The following GALNT13 variants were observed in gnomAD, a reference collection of about 807,000 sequenced individuals.
The protein encoded by GALNT13 is UDP-GalNAc:polypeptide N-acetylgalactosaminyltransferase 13.
A neutral mutation model predicts 64.2 loss-of-function variants in GALNT13; 28 were observed. The observed-to-expected ratio is 0.44, with a 90% CI of 0.32 to 0.60. The LOEUF (loss-of-function observed/expected upper bound fraction) is 0.60, where lower values mean the gene tolerates loss of function less well. GALNT13 is among the 20% of genes least tolerant of loss of function. The pLI is 0.05. For synonymous variants in GALNT13, 214 were observed against 224.6 expected, an observed-to-expected ratio of 0.95 and a Z score of 0.42; for missense variants, 577 against 669.8, an observed-to-expected ratio of 0.86 and a Z score of 1.53.
chr2:154,203,533 A>G (rs1295049936), intron 4 of GALNT13, among the ~76,000 whole-genome samples: 1 of 152,102 alleles, frequency 6.6e-6, no homozygotes, highest in Non-Finnish European at 1.5e-5. Context: ...CCTCCTAGTC[A>G]TGTAATTCCT....
chr2:153,574,656 T>A, the GALNT13 span, among the ~76,000 whole-genome samples: 6 of 152,230 alleles, frequency 3.9e-5, no homozygotes, highest in African/African-American at 1.2e-4. Flanking sequence ...TTCTTCAGTA[T>A]GCCAATTGCA....
At chr2:154,168,358 C>T (rs944727905) in intron 4 of GALNT13, among the ~76,000 whole-genome samples, 1 of 152,012 alleles carries the variant, frequency 6.6e-6, no homozygotes, top group Non-Finnish European at 1.5e-5. Flanking sequence ...TATTAAAGCC[C>T]TCAACTTATT....
intron 9 of GALNT13, among the ~76,000 whole-genome samples, chr2:154,312,557 A>G (rs114392079): frequency 0.021 from 3,174 of 152,312 alleles, 88 homozygotes; most frequent in African/African-American, 0.065. Flanking sequence ...AGGTTATTAC[A>G]TGTGTGTGGT....
At chr2:153,103,512 G>A in the GALNT13 span, among the ~76,000 whole-genome samples, 9 of 152,222 alleles carry the variant, frequency 5.9e-5, no homozygotes, top group Admixed American at 2.0e-4. Flanking sequence ...TAGTGGTGAA[G>A]AATATGGAAT....
chr2:153,089,229 T>A, the GALNT13 span, among the ~76,000 whole-genome samples: 1 of 152,206 alleles, frequency 6.6e-6, no homozygotes, highest in Non-Finnish European at 1.5e-5. Context: ...CCTTCACTTA[T>A]GAGGCTTAGT....
At chr2:153,719,241 T>C in the GALNT13 span, among the ~76,000 whole-genome samples, 1 of 152,174 alleles carries the variant, frequency 6.6e-6, no homozygotes, top group Non-Finnish European at 1.5e-5. Context: ...GCTTGGGAGT[T>C]ACTAGCTGTT....
the GALNT13 span, among the ~76,000 whole-genome samples, chr2:153,353,507 A>G: frequency 1.3e-5 from 2 of 152,088 alleles, no homozygotes; most frequent in African/African-American, 2.4e-5. Flanking sequence ...TGGTGAGATG[A>G]CACATGTTTG....
chr2:154,375,354 T>C (rs1417386367), intron 9 of GALNT13, among the ~76,000 whole-genome samples: 1 of 152,068 alleles, frequency 6.6e-6, no homozygotes, highest in Admixed American at 6.6e-5. Context: ...GATAGAGCTA[T>C]ACATAGGGAC....
At chr2:154,096,546 T>C (rs916822634) in intron 3 of GALNT13, among the ~76,000 whole-genome samples, 33 of 152,080 alleles carry the variant, frequency 2.2e-4, no homozygotes, top group African/African-American at 5.5e-4. Flanking sequence ...ATTTATCATC[T>C]CTTACAGAAT....
chr2:153,933,867 A>T (rs930428190), intron 2 of GALNT13, among the ~76,000 whole-genome samples: 2 of 152,120 alleles, frequency 1.3e-5, no homozygotes, highest in African/African-American at 4.8e-5. Flanking sequence ...ATTTGGCTGG[A>T]TAGGAAATTC....
the GALNT13 span, among the ~76,000 whole-genome samples, chr2:153,544,864 A>G: frequency 6.6e-6 from 1 of 152,236 alleles, no homozygotes; most frequent in Non-Finnish European, 1.5e-5. Flanking sequence ...AAAATCGGTT[A>G]TAATCATTTT....
chr2:154,330,991 T>G (rs904930683), intron 9 of GALNT13, among the ~76,000 whole-genome samples: 1 of 152,074 alleles, frequency 6.6e-6, no homozygotes, highest in South Asian at 2.1e-4. Flanking sequence ...ACAAAAGATA[T>G]AGGAGTAAAC....
At chr2:153,593,693 T>A in the GALNT13 span, among the ~76,000 whole-genome samples, 1 of 152,132 alleles carries the variant, frequency 6.6e-6, no homozygotes, top group African/African-American at 2.4e-5. Flanking sequence ...GAATCACATC[T>A]CTTTTTCTTA....
the GALNT13 span, among the ~76,000 whole-genome samples, chr2:153,562,273 C>T: frequency 1.3e-5 from 2 of 151,940 alleles, no homozygotes; most frequent in African/African-American, 2.4e-5. Flanking sequence ...ACACTTAGTT[C>T]GTTTTTTTAT....
intron 3 of GALNT13, among the ~76,000 whole-genome samples, chr2:154,030,342 A>G (rs1698258944): frequency 6.6e-6 from 1 of 152,164 alleles, no homozygotes; most frequent in Non-Finnish European, 1.5e-5. Flanking sequence ...ATCAGAAACA[A>G]GGCAAGTCAG....
At position 154,427,343 on chromosome 2, in the gene GALNT13, A is replaced by G. The variant is rs146059350; in HGVS notation, c.1396-11249A>G. Reference sequence around the variant, plus strand: ...TACAGATATGATACCTACCTGCGGTACAATGGCAGATAAGCTATCTGGGTA... The same window carrying G: ...TACAGATATGATACCTACCTGCGGTGCAATGGCAGATAAGCTATCTGGGTA... On this transcript the variant is annotated intron_variant, in intron 11 of 12. Coordinates refer to ENST00000392825, the MANE Select transcript of GALNT13 (RefSeq NM_052917.4). Among the ~76,000 whole-genome samples, 55 of 152,350 alleles carry G rather than the reference A, an allele frequency of 3.6e-4. 1 individual carries two copies. The East Asian group carries it at 6.6e-3, about 18-fold the overall frequency.
chr2:153,222,323 G>T, the GALNT13 span, among the ~76,000 whole-genome samples: 1 of 137,826 alleles, frequency 7.3e-6, no homozygotes, highest in Non-Finnish European at 1.6e-5. Context: ...GGGGGGGGGG[G>T]GGGTGGGGTG....
At chr2:153,298,893 T>A in the GALNT13 span, among the ~76,000 whole-genome samples, 14 of 152,204 alleles carry the variant, frequency 9.2e-5, no homozygotes, top group African/African-American at 2.9e-4. Context: ...GAAGGTAAGA[T>A]CAATACTTTA....
the GALNT13 span, among the ~76,000 whole-genome samples, chr2:153,540,969 T>C: frequency 1.3e-5 from 2 of 152,100 alleles, no homozygotes; most frequent in African/African-American, 2.4e-5. Context: ...AGCTAAGACT[T>C]TGGGGGACTG....
Sources: gnomAD v4.1 joint callset for allele counts (sites outside exome capture counted in the v4.1 genomes callset) on GRCh38, gnomAD v4.1.1 for gene constraint, MANE v1.5 for transcripts, NCBI Gene and HGNC (gene_info 2026-07-23, HGNC 2026-07-21) for gene names.